The following DNER variants were observed in gnomAD, a reference collection of about 807,000 sequenced individuals.
The protein encoded by DNER is delta/notch like EGF repeat containing, also known as delta and Notch-like epidermal growth factor-related receptor.
A neutral mutation model predicts 78.2 loss-of-function variants in DNER; 33 were observed. That is an observed-to-expected ratio of 0.42 (90% CI 0.32 to 0.56). DNER has a LOEUF of 0.56. DNER is among the 20% of genes least tolerant of loss of function. The pLI is 0.11. For synonymous variants in DNER, 417 were observed against 384.8 expected (o/e 1.08, Z -0.98); for missense variants, 918 against 975.3 (o/e 0.94, Z 0.78).
At chr2:229,530,489 A>G (rs1210271976) in intron 5 of DNER, among the ~76,000 whole-genome samples, 1 of 152,212 alleles carries the variant, frequency 6.6e-6, no homozygotes, top group Non-Finnish European at 1.5e-5. Context: ...CTGAGGACTG[A>G]GCCACAGCTC....
chr2:229,607,714 G>A (rs1192011012), intron 1 of DNER, among the ~76,000 whole-genome samples: 2 of 151,984 alleles, frequency 1.3e-5, no homozygotes, highest in East Asian at 3.9e-4. Context: ...AATATAACAG[G>A]GAAGGCATTA....
intron 10 of DNER, 79 bp downstream of exon 10, chr2:229,407,153 T>A: frequency 8.0e-7 from 1 of 1,247,124 alleles, no homozygotes; most frequent in Non-Finnish European, 1.1e-6. Flanking sequence ...TTATTCATGA[T>A]GGATTTGGGT....
intron 9 of DNER, among the ~76,000 whole-genome samples, chr2:229,408,178 T>C (rs1693431373): frequency 6.6e-6 from 1 of 152,180 alleles, no homozygotes; most frequent in African/African-American, 2.4e-5. Context: ...TGTGTGTGCA[T>C]GTATGTACGC....
At chr2:229,535,890 C>T (rs752761697) in intron 5 of DNER, among the ~76,000 whole-genome samples, 3 of 152,002 alleles carry the variant, frequency 2.0e-5, no homozygotes, top group Non-Finnish European at 4.4e-5. Flanking sequence ...GTGATCCATC[C>T]GCCTCAGCCT....
At chr2:229,370,197 C>T (rs558660328) in intron 11 of DNER, among the ~76,000 whole-genome samples, 1 of 152,250 alleles carries the variant, frequency 6.6e-6, no homozygotes, top group Admixed American at 6.5e-5. Context: ...CAGATAGACA[C>T]CCAAACAGGG....
chr2:229,684,460 T>C (rs535729855), intron 1 of DNER, among the ~76,000 whole-genome samples: 1 of 152,126 alleles, frequency 6.6e-6, no homozygotes, highest in African/African-American at 2.4e-5. Flanking sequence ...CCCTGGACAA[T>C]TGCACCCACT....
At chr2:229,594,132 G>C (rs1225151961) in intron 1 of DNER, among the ~76,000 whole-genome samples, 6 of 152,180 alleles carry the variant, frequency 3.9e-5, no homozygotes, top group African/African-American at 1.4e-4. Flanking sequence ...AGAGAAACCA[G>C]TTAAGCACGT....
chr2:229,442,052 T>C (rs1295656986), intron 8 of DNER, among the ~76,000 whole-genome samples: 10 of 152,170 alleles, frequency 6.6e-5, no homozygotes, highest in South Asian at 6.2e-4. Flanking sequence ...AGGATTCCAT[T>C]TGGGGTCCCA....
At chr2:229,430,285 T>G (rs1311804470) in intron 8 of DNER, among the ~76,000 whole-genome samples, 1 of 152,206 alleles carries the variant, frequency 6.6e-6, no homozygotes, top group Non-Finnish European at 1.5e-5. Flanking sequence ...TCATCCATGC[T>G]GTGATGGTTA....
intron 9 of DNER, among the ~76,000 whole-genome samples, chr2:229,416,745 G>A (rs961824666): frequency 2.6e-5 from 4 of 152,124 alleles, no homozygotes; most frequent in Admixed American, 1.3e-4. Context: ...AAGGCTCCCA[G>A]CACACATACC....
At chr2:229,566,169 G>A (rs921664897) in intron 4 of DNER, among the ~76,000 whole-genome samples, 3 of 152,162 alleles carry the variant, frequency 2.0e-5, no homozygotes, top group Non-Finnish European at 2.9e-5. Context: ...GTCTTCAGAT[G>A]AGCTAACGTG....
At chr2:229,374,959 T>C (rs1169768035) in intron 11 of DNER, among the ~76,000 whole-genome samples, 1 of 152,188 alleles carries the variant, frequency 6.6e-6, no homozygotes, top group Non-Finnish European at 1.5e-5. Flanking sequence ...TGAAAAGCAT[T>C]TCCCTATGCT....
At chr2:229,440,732 C>T (rs181834274) in intron 8 of DNER, among the ~76,000 whole-genome samples, 1 of 152,324 alleles carries the variant, frequency 6.6e-6, no homozygotes, top group East Asian at 1.9e-4. Context: ...AAAGAGGGTG[C>T]GTATGCACAT....
At chr2:229,460,015 G>A (rs1694659172) in intron 7 of DNER, among the ~76,000 whole-genome samples, 1 of 151,882 alleles carries the variant, frequency 6.6e-6, no homozygotes, top group Admixed American at 6.6e-5. Context: ...AAATTAGCTG[G>A]GCGTGGTGGG....
chr2:229,455,577 T>G (rs1256447955), intron 7 of DNER, among the ~76,000 whole-genome samples: 1 of 151,790 alleles, frequency 6.6e-6, no homozygotes, highest in East Asian at 1.9e-4. Context: ...AATTGGGAGG[T>G]GCTCACATAC....
At chr2:229,625,001 G>T (rs997688414) in intron 1 of DNER, among the ~76,000 whole-genome samples, 2 of 151,944 alleles carry the variant, frequency 1.3e-5, no homozygotes, top group Non-Finnish European at 2.9e-5. Context: ...TGAGGAATTC[G>T]CTATTATTTC....
At chr2:229,564,116 T>G (rs1219823957) in intron 4 of DNER, among the ~76,000 whole-genome samples, 5 of 122,926 alleles carry the variant, frequency 4.1e-5, no homozygotes, top group Non-Finnish European at 8.5e-5. Context: ...CATCACCCCA[T>G]CACCATCATC....
intron 6 of DNER, among the ~76,000 whole-genome samples, chr2:229,497,201 C>G (rs939069592): frequency 6.6e-6 from 1 of 152,014 alleles, no homozygotes; most frequent in Non-Finnish European, 1.5e-5. Context: ...CTTGCACAAC[C>G]AATAAGTCAA....
At chr2:229,401,676 G>T (rs983204642) in intron 10 of DNER, among the ~76,000 whole-genome samples, 2 of 152,072 alleles carry the variant, frequency 1.3e-5, no homozygotes, top group Non-Finnish European at 2.9e-5. Context: ...CAGTTGTGGC[G>T]CAAGGGAAAA....
Sources: allele counts gnomAD v4.1 joint callset (sites outside exome capture counted in the v4.1 genomes callset), GRCh38; gene constraint gnomAD v4.1.1; transcripts MANE v1.5; gene names NCBI Gene and HGNC (gene_info 2026-07-23, HGNC 2026-07-21).